The following ST8SIA1 variants were observed in gnomAD, a reference collection of about 807,000 sequenced individuals.
ST8SIA1 encodes alpha-N-acetylneuraminide alpha-2,8-sialyltransferase.
A neutral mutation model predicts 35.9 loss-of-function variants in ST8SIA1; 16 were observed. That is an observed-to-expected ratio of 0.45 (90% CI 0.30 to 0.68). The LOEUF is 0.68. Among genes scored for constraint, ST8SIA1 ranks in the 30% least tolerant of loss-of-function variants. The probability of loss-of-function intolerance (pLI) is 0.09; values close to 1 mark genes in which losing one functional copy is unlikely to be tolerated. For synonymous variants in ST8SIA1, 170 were observed against 169.6 expected, an observed-to-expected ratio of 1.00 and a Z score of -0.02; for missense variants, 383 against 453.6, an observed-to-expected ratio of 0.84 and a Z score of 1.41.
chr12:22,229,375 G>C (rs1324384173), intron 4 of ST8SIA1, among the ~76,000 whole-genome samples: 1 of 152,060 alleles, frequency 6.6e-6, no homozygotes, highest in Non-Finnish European at 1.5e-5. Context: ...CCAAAACTTT[G>C]GGAGGCTGAG....
chr12:22,244,198 C>T (rs2300725), intron 4 of ST8SIA1, among the ~76,000 whole-genome samples: 105,550 of 151,960 alleles, frequency 0.69, 37,514 homozygotes, highest in South Asian at 0.87. Flanking sequence ...TTAGCATACT[C>T]TTTTCTTATG....
chr12:22,288,210 T>A (rs888517602), intron 1 of ST8SIA1, among the ~76,000 whole-genome samples: 1 of 152,184 alleles, frequency 6.6e-6, no homozygotes, highest in African/African-American at 2.4e-5. Context: ...TCTAGGAAGA[T>A]GAATAAAACA....
At chr12:22,246,458 G>A (rs938415717) in intron 4 of ST8SIA1, among the ~76,000 whole-genome samples, 4 of 152,052 alleles carry the variant, frequency 2.6e-5, no homozygotes, top group African/African-American at 7.2e-5. Flanking sequence ...ATCTCATTCC[G>A]TAGCGTACAA....
At chr12:22,279,105 A>G (rs545602280) in intron 2 of ST8SIA1, among the ~76,000 whole-genome samples, 23 of 152,260 alleles carry the variant, frequency 1.5e-4, no homozygotes, top group African/African-American at 5.3e-4. Context: ...TCATTTATCC[A>G]GCCTACTTCT....
chr12:22,238,018 C>G (rs1865494566), intron 4 of ST8SIA1, among the ~76,000 whole-genome samples: 1 of 152,016 alleles, frequency 6.6e-6, no homozygotes, highest in Non-Finnish European at 1.5e-5. Flanking sequence ...TCTTGAGGGT[C>G]TTCAGGAAGG....
intron 2 of ST8SIA1, among the ~76,000 whole-genome samples, chr12:22,260,128 A>G (rs1865772242): frequency 6.6e-6 from 1 of 151,746 alleles, no homozygotes; most frequent in Non-Finnish European, 1.5e-5. Flanking sequence ...CAGATTAACT[A>G]TAGTAATGAG....
Position 22,281,100 on chromosome 12 carries a change from G to A in ST8SIA1, c.381+6049C>T, listed in dbSNP as rs1333049984. 2.6e-5 allele frequency among the ~76,000 whole-genome samples: 4 copies of A among 151,974 alleles called. No individual in the cohort carries two copies. In the East Asian group the frequency reaches 7.7e-4, roughly 29 times the overall value. On this transcript the variant is annotated intron_variant, in intron 2 of 4. Coordinates refer to ENST00000396037, the MANE Select transcript of ST8SIA1 (RefSeq NM_003034.4). ...TTTTTGTTTTGCTTCATGGGTTCCT[G>A]GCATTACCCAAATGCCAAGGCAATG...
chr12:22,284,456 T>A (rs2135814648), intron 2 of ST8SIA1, among the ~76,000 whole-genome samples: 1 of 152,340 alleles, frequency 6.6e-6, no homozygotes, highest in East Asian at 1.9e-4. Flanking sequence ...CCTTTTTGGC[T>A]GATAACAAAC....
chr12:22,255,211 C>T, intron 3 of ST8SIA1, 69 bp downstream of exon 3: 1 of 1,291,940 alleles, frequency 7.7e-7, no homozygotes, highest in Non-Finnish European at 1.1e-6. Flanking sequence ...TTGAAAAGCC[C>T]CAGGGCTTAT....
chr12:22,205,822 ACAC>A (rs1865101239), intron 4 of ST8SIA1, among the ~76,000 whole-genome samples: 2 of 152,192 alleles, frequency 1.3e-5, no homozygotes, highest in African/African-American at 4.8e-5. Context: ...ATATATTTCA[ACAC>A]AGGAAAATAT....
intron 1 of ST8SIA1, among the ~76,000 whole-genome samples, chr12:22,333,233 A>G (rs1304217899): frequency 6.6e-6 from 1 of 152,202 alleles, no homozygotes; most frequent in African/African-American, 2.4e-5. Flanking sequence ...GCCTACTTAA[A>G]GTACATCTCC....
At position 22,264,572 on chromosome 12, in the gene ST8SIA1, C is replaced by T. The variant is rs1384734856; in HGVS notation, c.382-9183G>A. Among the ~76,000 whole-genome samples the T allele has an allele frequency of 5.3e-5, 8 of 149,726 alleles. No homozygotes were observed. In the South Asian group the frequency reaches 1.5e-3, roughly 27 times the overall value. The stretch of plus-strand genomic sequence containing the variant: ...AATTAAAATTTCAGTTGTTTTCTTA[C>T]TTTGCATACGTAAGCATTTTATGAT... On this transcript the variant is annotated intron_variant, in intron 2 of 4. Transcript: ENST00000396037.
At position 22,200,037 on chromosome 12, in the gene ST8SIA1, A is replaced by G. The variant is rs774666278; in HGVS notation, c.*1515T>C. ...ACTGTGTATCAAAGCTGTTGTAACA[A>G]GCTAAGTAGTCCTACCTGCTACTAA... On this transcript the variant is annotated 3_prime_UTR_variant, in exon 5 of 5. Coordinates refer to ENST00000396037, the MANE Select transcript of ST8SIA1 (RefSeq NM_003034.4). The G allele has an allele frequency of 1.3e-5, 2 of 152,252 alleles. No individual in the cohort carries two copies. The highest frequency in any genetic ancestry group is 3.8e-4 in the East Asian group (2 of 5,200). 9.4% of individuals were successfully genotyped at this position (152,252 alleles called of 1,614,324 possible). A position where few individuals can be genotyped will look rare whatever the true frequency, so the allele number is the denominator to read the frequency against.
In ST8SIA1 at chr12:22,198,577, A is replaced by T. The variant is rs969124125; in HGVS notation, c.*2975T>A. ...CACACACACACACACACTCCTATCT[A>T]ACCAATTATGTCCAAAAGGCATATG... On this transcript the variant is annotated 3_prime_UTR_variant, in exon 5 of 5. Coordinates refer to ENST00000396037, the MANE Select transcript of ST8SIA1 (RefSeq NM_003034.4). 1.3e-5 allele frequency: 2 copies of T among 150,048 alleles called. No homozygotes were observed. Among genetic ancestry groups the T allele is most frequent in the East Asian group, 2.0e-4 (1 of 5,072 alleles). The allele number at this position is 150,048 out of a possible 1,614,324, so 9.3% of individuals were successfully genotyped here.
intron 1 of ST8SIA1, among the ~76,000 whole-genome samples, chr12:22,297,619 T>C (rs2135822858): frequency 6.6e-6 from 1 of 152,266 alleles, no homozygotes; most frequent in South Asian, 2.1e-4. Flanking sequence ...GGTCTCTCTT[T>C]ACTCAGCACA....
intron 1 of ST8SIA1, among the ~76,000 whole-genome samples, chr12:22,293,222 G>C (rs1030186298): frequency 1.3e-5 from 2 of 152,188 alleles, no homozygotes; most frequent in African/African-American, 4.8e-5. Context: ...ATGTCTGTAG[G>C]ACTGCAGACA....
chr12:22,231,419 T>C (rs911313632), intron 4 of ST8SIA1, among the ~76,000 whole-genome samples: 5 of 151,422 alleles, frequency 3.3e-5, no homozygotes, highest in East Asian at 1.9e-4. Context: ...CAGGATACAA[T>C]TGTAAGATGA....
At chr12:22,205,531 T>C (rs1865097396) in intron 4 of ST8SIA1, among the ~76,000 whole-genome samples, 1 of 152,116 alleles carries the variant, frequency 6.6e-6, no homozygotes, top group East Asian at 1.9e-4. Flanking sequence ...TAAACAATAT[T>C]GAGATAGTTA....
chr12:22,285,880 A>AAAAAACAAAAAAAAC (rs1866094521), intron 2 of ST8SIA1, among the ~76,000 whole-genome samples: 1 of 149,536 alleles, frequency 6.7e-6, no homozygotes, highest in Non-Finnish European at 1.5e-5. Context: ...TCAAAAACAA[A>AAAAAACAAAAAAAAC]AAAAAAAAAA....
Sources: gnomAD v4.1 joint callset for allele counts (sites outside exome capture counted in the v4.1 genomes callset) on GRCh38, gnomAD v4.1.1 for gene constraint, MANE v1.5 for transcripts, NCBI Gene and HGNC (gene_info 2026-07-23, HGNC 2026-07-21) for gene names.